The following ATG13 variants were observed in gnomAD, a reference collection of about 807,000 sequenced individuals.
ATG13 encodes autophagy related 13, also known as autophagy-related protein 13.
In ATG13, 23 loss-of-function variants were observed where a neutral mutation model predicts 65.5. The ratio of observed to expected loss-of-function variants is 0.35; its 90% CI spans 0.25 to 0.50. The LOEUF is 0.50. ATG13 is among the 20% of genes least tolerant of loss of function. The probability of loss-of-function intolerance (pLI) is 0.98; values close to 1 mark genes in which losing one functional copy is unlikely to be tolerated. For synonymous variants in ATG13, 252 were observed against 245.2 expected (o/e 1.03, Z -0.26); for missense variants, 566 against 677.0 (o/e 0.84, Z 1.82).
chr11:46,623,369 G>A (rs1398460557), intron 1 of ATG13, among the ~76,000 whole-genome samples: 2 of 152,164 alleles, frequency 1.3e-5, no homozygotes, highest in African/African-American at 4.8e-5. Context: ...TATGCTGGGT[G>A]AAAGTTTTTC....
intron 1 of ATG13, among the ~76,000 whole-genome samples, chr11:46,618,596 T>C (rs1328650426): frequency 2.0e-5 from 3 of 152,232 alleles, no homozygotes; most frequent in Non-Finnish European, 4.4e-5. Context: ...GGTGATAGAA[T>C]TTATTGGACA....
At chr11:46,668,404 A>T (rs2062882083) in intron 15 of ATG13, 95 bp from the exon 16 acceptor site, 1 of 1,252,796 alleles carries the variant, frequency 8.0e-7, no homozygotes, top group South Asian at 1.3e-5. Flanking sequence ...TAGCTGTGTG[A>T]ACTTGCTGGA....
At chr11:46,645,770 A>T (rs1017094810) in intron 4 of ATG13, 100 bp from the exon 5 acceptor site, 1 of 1,489,578 alleles carries the variant, frequency 6.7e-7, no homozygotes, top group Non-Finnish European at 9.2e-7. Context: ...TGTCTTCCTT[A>T]ATCAGCCACA....
chr11:46,673,028 C>G lies in ATG13; in HGVS notation c.*696C>G. On this transcript the variant is annotated 3_prime_UTR_variant, in exon 19 of 19. Coordinates refer to ENST00000683050, the MANE Select transcript of ATG13 (RefSeq NM_001346311.2). ...TCAGCTCCATGGGAAATAAAAATGG[C>G]ACCCTGAATCTCTAGGATTTTGTCA... The G allele has an allele frequency of 4.7e-6, 1 of 212,624 alleles. No individual in the cohort carries two copies. Among genetic ancestry groups the G allele is most frequent in the Non-Finnish European group, 9.7e-6 (1 of 103,172 alleles). 13.2% of individuals were successfully genotyped at this position (212,624 alleles called of 1,614,324 possible). A position where few individuals can be genotyped will look rare whatever the true frequency, so the allele number is the denominator to read the frequency against.
chr11:46,656,347 T>A, intron 8 of ATG13, 74 bp downstream of exon 8: 1 of 1,402,744 alleles, frequency 7.1e-7, no homozygotes, highest in Non-Finnish European at 1.0e-6. Context: ...TCGTTTCTAC[T>A]TGTTATAATA....
chr11:46,644,345 A>G lies in ATG13; in HGVS notation c.54A>G (p.Lys18=). Residue 18 remains lysine (K), a synonymous_variant, in exon 3 of 19, where the codon AAA becomes AAG. Transcript: ENST00000683050. ...QDRKDLDKFI[K]FFALKTVQVI... ...GAAAGGACCTGGACAAGTTTATTAA[A>G]TTTTTTGCCCTCAAGGTAATGTGTC... The G allele has an allele frequency of 6.2e-7, 1 of 1,610,970 alleles. No homozygotes were observed. The highest frequency in any genetic ancestry group is 8.5e-7 in the Non-Finnish European group (1 of 1,179,046).
chr11:46,664,032 C>T lies in ATG13; in HGVS notation c.825C>T (p.Thr275=). 1 of 1,597,346 alleles carries T rather than the reference C, an allele frequency of 6.3e-7. No homozygotes were observed. The highest frequency in any genetic ancestry group is 8.5e-7 in the Non-Finnish European group (1 of 1,179,546). Residue 275 remains threonine, a synonymous_variant, in exon 12 of 19, where the codon ACC becomes ACT. Coordinates refer to ENST00000683050, the MANE Select transcript of ATG13 (RefSeq NM_001346311.2). Reference sequence around the variant, plus strand: ...CTGTCACAAAGGCACATTTTCAGACCCCTACTCCTGTGGTGACGGACACCC... The same window carrying T: ...CTGTCACAAAGGCACATTTTCAGACTCCTACTCCTGTGGTGACGGACACCC... ...VFTVTKAHFQ[T]PTPVVTDTLR... is the part of the protein sequence containing the mutation.
intron 2 of ATG13, among the ~76,000 whole-genome samples, chr11:46,641,501 C>T (rs756420092): frequency 3.3e-5 from 5 of 152,132 alleles, no homozygotes; most frequent in African/African-American, 9.7e-5. Context: ...ATAAAAGCCA[C>T]ACACAAAAAA....
chr11:46,663,906 C>A, intron 11 of ATG13, 91 bp from the exon 12 acceptor site: 2 of 935,810 alleles, frequency 2.1e-6, no homozygotes, highest in Non-Finnish European at 3.2e-6. Context: ...TGCTACTGCC[C>A]CTTCCAGAGT....
intron 5 of ATG13, among the ~76,000 whole-genome samples, chr11:46,647,733 G>A (rs1039986239): frequency 6.6e-6 from 1 of 150,626 alleles, no homozygotes; most frequent in Non-Finnish European, 1.5e-5. Flanking sequence ...CACCACACAT[G>A]GCTAATGTTT....
intron 11 of ATG13, among the ~76,000 whole-genome samples, chr11:46,662,550 C>T (rs2061414692): frequency 6.6e-6 from 1 of 152,128 alleles, no homozygotes; most frequent in Non-Finnish European, 1.5e-5. Context: ...AAAACTAGAT[C>T]ACACCAAATT....
At chr11:46,669,001 G>T (rs2063075632) in intron 17 of ATG13, 91 bp downstream of exon 17, 3 of 1,080,514 alleles carry the variant, frequency 2.8e-6, no homozygotes, top group Non-Finnish European at 2.8e-6. Context: ...TCCTTCATAG[G>T]GATCAGATGT....
chr11:46,654,097 C>T (rs1453403207), intron 7 of ATG13, among the ~76,000 whole-genome samples: 2 of 149,702 alleles, frequency 1.3e-5, no homozygotes, highest in South Asian at 2.1e-4. Context: ...CATTATTCCA[C>T]GGTGGAAAAG....
At chr11:46,656,537 G>A (rs1031666057) in intron 8 of ATG13, 5 of 330,562 alleles carry the variant, frequency 1.5e-5, no homozygotes, top group Non-Finnish European at 2.2e-5. Flanking sequence ...TCTACAGTGA[G>A]GATGTTAAAT....
At chr11:46,647,071 C>G (rs561707235) in intron 5 of ATG13, among the ~76,000 whole-genome samples, 82 of 152,212 alleles carry the variant, frequency 5.4e-4, no homozygotes, top group Non-Finnish European at 9.9e-4. Context: ...ATTCCAACCA[C>G]TTGGTATAGG....
At chr11:46,668,002 C>CA in intron 15 of ATG13, 115 bp downstream of exon 15, 1 of 786,478 alleles carries the variant, frequency 1.3e-6, no homozygotes, top group South Asian at 1.8e-5. Flanking sequence ...AACTGGCATG[C>CA]AAAACTGTAT....
In ATG13 at chr11:46,661,786, G is replaced by A. The variant is rs530529194; in HGVS notation, c.790-2211G>A. Among the ~76,000 whole-genome samples the A allele has an allele frequency of 8.5e-5, 13 of 152,150 alleles. No individual in the cohort carries two copies. The East Asian group carries it at 1.9e-3, about 23-fold the overall frequency. On this transcript the variant is annotated intron_variant, in intron 11 of 18. Transcript: ENST00000683050. ...GTTGAAGCTGTAGTGAGCTGAGATC[G>A]CACCACTGCCCTCCAGCCTGGGTGA...
chr11:46,659,565 T>C (rs763501514), intron 11 of ATG13, 80 bp downstream of exon 11: 4 of 1,187,050 alleles, frequency 3.4e-6, no homozygotes, highest in Non-Finnish European at 5.0e-6. Flanking sequence ...CAAATTTAGC[T>C]ACAATCCCTT....
At chr11:46,622,182 A>G (rs1408991032) in intron 1 of ATG13, among the ~76,000 whole-genome samples, 1 of 143,986 alleles carries the variant, frequency 6.9e-6, no homozygotes, top group Admixed American at 7.3e-5. Context: ...CGGTGAAGCA[A>G]TCTTGGCTCA....
Sources: gnomAD v4.1 joint callset for allele counts (sites outside exome capture counted in the v4.1 genomes callset) on GRCh38, gnomAD v4.1.1 for gene constraint, MANE v1.5 for transcripts, NCBI Gene and HGNC (gene_info 2026-07-23, HGNC 2026-07-21) for gene names.